The following PTPRM variants were observed in gnomAD, a reference collection of about 807,000 sequenced individuals.
PTPRM encodes the protein protein tyrosine phosphatase receptor type M.
In PTPRM, 47 loss-of-function variants were observed where a neutral mutation model predicts 186.7. The ratio of observed to expected loss-of-function variants is 0.25; its 90% CI spans 0.20 to 0.32. The LOEUF (loss-of-function observed/expected upper bound fraction) is 0.32, where lower values mean the gene tolerates loss of function less well. Among genes scored for constraint, PTPRM ranks in the 10% least tolerant of loss-of-function variants. PTPRM has a pLI of 1.00. For synonymous variants in PTPRM, 668 were observed against 674.9 expected, an observed-to-expected ratio of 0.99 and a Z score of 0.16; for missense variants, 1,494 against 1,865.0, an observed-to-expected ratio of 0.80 and a Z score of 3.66.
At chr18:7,804,411 C>A (rs2044131043) in intron 2 of PTPRM, among the ~76,000 whole-genome samples, 2 of 152,330 alleles carry the variant, frequency 1.3e-5, no homozygotes, top group South Asian at 4.1e-4. Context: ...TCAGGCAACT[C>A]CGAAAGCTTG....
chr18:8,007,747 T>A (rs929934024), intron 7 of PTPRM, among the ~76,000 whole-genome samples: 13 of 152,082 alleles, frequency 8.5e-5, no homozygotes, highest in African/African-American at 3.1e-4. Context: ...GGTTAGAGAG[T>A]CAGTACTAAA....
chr18:8,081,453 C>G (rs1245235848), intron 9 of PTPRM, among the ~76,000 whole-genome samples: 2 of 152,210 alleles, frequency 1.3e-5, no homozygotes, highest in East Asian at 3.8e-4. Context: ...AGTACAAGTA[C>G]AGAAGCTTCC....
chr18:7,883,514 G>A (rs1219145750), intron 2 of PTPRM, among the ~76,000 whole-genome samples: 1 of 152,186 alleles, frequency 6.6e-6, no homozygotes, highest in Non-Finnish European at 1.5e-5. Flanking sequence ...CCTGCCAACT[G>A]TAACTTTACT....
chr18:8,046,663 A>AT (rs939639400), intron 7 of PTPRM, among the ~76,000 whole-genome samples: 5 of 151,644 alleles, frequency 3.3e-5, no homozygotes, highest in African/African-American at 1.2e-4. Context: ...AATCTATTAC[A>AT]TTTTTTTCCA....
At chr18:7,696,647 G>A (rs1476765067) in intron 1 of PTPRM, among the ~76,000 whole-genome samples, 2 of 152,206 alleles carry the variant, frequency 1.3e-5, no homozygotes, top group Admixed American at 6.5e-5. Flanking sequence ...TTCAAGGGGC[G>A]AGGATGAGAT....
At chr18:8,195,499 C>G (rs2093765456) in intron 14 of PTPRM, among the ~76,000 whole-genome samples, 1 of 152,142 alleles carries the variant, frequency 6.6e-6, no homozygotes, top group Non-Finnish European at 1.5e-5. Flanking sequence ...TCGTATGCAT[C>G]AGTGGATGAT....
At chr18:7,734,817 A>T (rs1029157875) in intron 1 of PTPRM, among the ~76,000 whole-genome samples, 3 of 152,190 alleles carry the variant, frequency 2.0e-5, no homozygotes, top group African/African-American at 7.2e-5. Flanking sequence ...ATTCATTAGG[A>T]CAAAAAATTA....
intron 14 of PTPRM, among the ~76,000 whole-genome samples, chr18:8,151,272 A>AT (rs143877927): frequency 0.023 from 3,470 of 151,856 alleles, 141 homozygotes; most frequent in African/African-American, 0.08. Flanking sequence ...GGAGGTGGGG[A>AT]TTTTATCTAC....
intron 9 of PTPRM, among the ~76,000 whole-genome samples, chr18:8,082,145 T>G (rs1479934210): frequency 6.6e-6 from 1 of 151,548 alleles, no homozygotes; most frequent in Non-Finnish European, 1.5e-5. Context: ...AAATAGATAC[T>G]GAGTGCCAAA....
rs183175200 is a variant in PTPRM at position 7,972,897 on chromosome 18, C to G, written c.1132+17483C>G. 2.5e-3 allele frequency among the ~76,000 whole-genome samples: 380 copies of G among 152,054 alleles called. 3 individuals are homozygous for G. Among genetic ancestry groups the G allele is most frequent in the African/African-American group, 8.8e-3 (364 of 41,510 alleles). ...TAAGCTCATTTAGGTGTGTAAATATCAATATATGTCCTCAGTCCCTTCCTT... is the reference window on the plus strand; with the variant it reads ...TAAGCTCATTTAGGTGTGTAAATATGAATATATGTCCTCAGTCCCTTCCTT... On this transcript the variant is annotated intron_variant, in intron 7 of 32. Transcript: ENST00000580170.
intron 1 of PTPRM, among the ~76,000 whole-genome samples, chr18:7,604,810 A>G (rs2037490381): frequency 6.6e-6 from 1 of 152,236 alleles, no homozygotes; most frequent in African/African-American, 2.4e-5. Flanking sequence ...CGCAGCAGCC[A>G]GCAAAGGTGT....
intron 22 of PTPRM, among the ~76,000 whole-genome samples, chr18:8,340,063 G>GCCCACCCCTGAGCAATTTT (rs754373399): frequency 7.9e-5 from 12 of 152,096 alleles, no homozygotes; most frequent in Non-Finnish European, 1.5e-4. Context: ...AATCACCAGT[G>GCCCACCCCTGAGCAATTTT]CCCACCCCTG....
At chr18:7,973,547 A>G (rs556554435) in intron 7 of PTPRM, among the ~76,000 whole-genome samples, 1 of 152,082 alleles carries the variant, frequency 6.6e-6, no homozygotes, top group African/African-American at 2.4e-5. Flanking sequence ...GATGCTTTCT[A>G]ATCTTTTCCT....
intron 1 of PTPRM, among the ~76,000 whole-genome samples, chr18:7,672,620 T>C (rs140812051): frequency 1.6e-4 from 25 of 152,338 alleles, no homozygotes; most frequent in African/African-American, 5.3e-4. Context: ...TGAGCTTACA[T>C]AGTCCTCTAA....
intron 22 of PTPRM, among the ~76,000 whole-genome samples, chr18:8,328,038 A>T (rs1201284189): frequency 2.6e-5 from 4 of 152,248 alleles, no homozygotes; most frequent in African/African-American, 9.6e-5. Flanking sequence ...ACTGCACAAC[A>T]GTTCAAACTT....
At chr18:8,075,900 T>G (rs1319602213) in intron 8 of PTPRM, among the ~76,000 whole-genome samples, 2 of 152,170 alleles carry the variant, frequency 1.3e-5, no homozygotes, top group African/African-American at 2.4e-5. Flanking sequence ...TTTCAATCTT[T>G]TCAGTATTTT....
chr18:8,180,450 G>A (rs906104862), intron 14 of PTPRM, among the ~76,000 whole-genome samples: 3 of 152,198 alleles, frequency 2.0e-5, no homozygotes, highest in Non-Finnish European at 1.5e-5. Context: ...AAAGGAAATA[G>A]AGTACACTTG....
intron 7 of PTPRM, among the ~76,000 whole-genome samples, chr18:8,049,923 G>T (rs1229978720): frequency 6.6e-6 from 1 of 152,074 alleles, no homozygotes; most frequent in Non-Finnish European, 1.5e-5. Flanking sequence ...ATGTTGGCCA[G>T]ACTGGTCTCA....
intron 4 of PTPRM, among the ~76,000 whole-genome samples, chr18:7,915,222 T>A (rs185150314): frequency 6.6e-6 from 1 of 152,116 alleles, no homozygotes; most frequent in Admixed American, 6.5e-5. Context: ...ATAGGAGGGT[T>A]GTACTAAGAA....
Sources: gnomAD v4.1 joint callset for allele counts (sites outside exome capture counted in the v4.1 genomes callset) on GRCh38, gnomAD v4.1.1 for gene constraint, MANE v1.5 for transcripts, NCBI Gene and HGNC (gene_info 2026-07-23, HGNC 2026-07-21) for gene names.